Variants in CLDN16 observed in about 807,000 individuals in gnomAD.
The protein encoded by CLDN16 is claudin 16, also known as claudin-16.
CLDN16 carries 13 observed loss-of-function variants against 24.6 expected under a neutral mutation model. The observed-to-expected ratio is 0.53, with a 90% confidence interval of 0.34 to 0.84. The LOEUF (loss-of-function observed/expected upper bound fraction) is 0.84, where lower values mean the gene tolerates loss of function less well. Among genes scored for constraint, CLDN16 ranks in the 40% least tolerant of loss-of-function variants. The pLI, the probability that CLDN16 is intolerant of heterozygous loss-of-function variation, is 0.01. For synonymous variants in CLDN16, 116 were observed against 106.7 expected, an observed-to-expected ratio of 1.09 and a Z score of -0.54; for missense variants, 298 against 292.7, an observed-to-expected ratio of 1.02 and a Z score of -0.13.
the CLDN16 span, among the ~76,000 whole-genome samples, chr3:190,298,345 T>TTA: frequency 3.8e-5 from 3 of 78,518 alleles, no homozygotes; most frequent in Admixed American, 1.3e-4. Context: ...CACATGTATA[T>TTA]TATACACACA....
intron 1 of CLDN16, among the ~76,000 whole-genome samples, chr3:190,341,483 T>G (rs1020761289): frequency 6.6e-6 from 1 of 152,152 alleles, no homozygotes; most frequent in East Asian, 1.9e-4. Context: ...GCAGCTGGGA[T>G]GCAGGGTACC....
chr3:190,390,549 A>AAGC (rs1427279188), intron 1 of CLDN16, among the ~76,000 whole-genome samples: 1 of 152,000 alleles, frequency 6.6e-6, no homozygotes, highest in Non-Finnish European at 1.5e-5. Context: ...GAAGAAGAAG[A>AAGC]AGAAGAACCC....
intron 1 of CLDN16, among the ~76,000 whole-genome samples, chr3:190,348,321 A>C (rs1717598863): frequency 8.0e-6 from 1 of 125,378 alleles, no homozygotes; most frequent in Admixed American, 8.3e-5. Context: ...GTCAAGGAAG[A>C]CAGCAAGACT....
At chr3:190,297,176 A>AGT in the CLDN16 span, among the ~76,000 whole-genome samples, 87,363 of 151,456 alleles carry the variant, frequency 0.58, 25,855 homozygotes, top group African/African-American at 0.71. Flanking sequence ...CTTTGCTTCC[A>AGT]GTCTTATGAA....
At chr3:190,408,031 G>T (rs958189789) in intron 3 of CLDN16, among the ~76,000 whole-genome samples, 1 of 152,124 alleles carries the variant, frequency 6.6e-6, no homozygotes, top group African/African-American at 2.4e-5. Flanking sequence ...GAGAATCAAA[G>T]AAAACCATAA....
intron 1 of CLDN16, among the ~76,000 whole-genome samples, chr3:190,400,710 C>T (rs1577428480): frequency 6.7e-6 from 1 of 150,322 alleles, no homozygotes; most frequent in East Asian, 2.0e-4. Flanking sequence ...TTGTATTTAC[C>T]CATTGCTCTG....
At chr3:190,364,922 C>G (rs1717985493) in intron 1 of CLDN16, among the ~76,000 whole-genome samples, 2 of 150,396 alleles carry the variant, frequency 1.3e-5, no homozygotes, top group East Asian at 2.0e-4. Flanking sequence ...TATTTTAGGG[C>G]TTCTCTTCAC....
In CLDN16 at chr3:190,402,330, C is replaced by T. The variant is rs762740548; in HGVS notation, c.115-7C>T. The T allele has an allele frequency of 4.4e-6, 7 of 1,608,560 alleles. No homozygotes were observed. Among genetic ancestry groups the T allele is most frequent in the East Asian group, 4.5e-5 (2 of 44,840 alleles). The stretch of plus-strand genomic sequence containing the variant: ...TTGTTTCACACGGTGTCTTCTCTAA[C>T]ATCTAGGTGAGCACAAAATGCCGAG... On this transcript the variant is annotated splice_region_variant and splice_polypyrimidine_tract_variant and intron_variant, in intron 1 of 4. Coordinates refer to ENST00000264734, the MANE Select transcript of CLDN16 (RefSeq NM_006580.4).
chr3:190,400,954 C>G (rs1272391513), intron 1 of CLDN16, among the ~76,000 whole-genome samples: 1 of 152,168 alleles, frequency 6.6e-6, no homozygotes, highest in African/African-American at 2.4e-5. Flanking sequence ...GGTTACTTAA[C>G]TTTCCTGTGC....
Position 190,388,448 on chromosome 3 carries a change from G to A in CLDN16, c.114+5G>A. Reference sequence around the variant, plus strand: ...AATGCTGATGACTCTCTGGAGGTAAGAAGATAGCAGCTTCTTTTCATGATC... The same window carrying A: ...AATGCTGATGACTCTCTGGAGGTAAAAAGATAGCAGCTTCTTTTCATGATC... On this transcript the variant is annotated splice_donor_5th_base_variant and intron_variant, in intron 1 of 4. Coordinates refer to ENST00000264734, the MANE Select transcript of CLDN16 (RefSeq NM_006580.4). The A allele has an allele frequency of 6.2e-7, 1 of 1,613,730 alleles. No homozygotes were observed. The highest frequency in any genetic ancestry group is 1.1e-5 in the South Asian group (1 of 91,072).
chr3:190,360,596 A>G (rs1717867945), intron 1 of CLDN16, among the ~76,000 whole-genome samples: 1 of 152,004 alleles, frequency 6.6e-6, no homozygotes, highest in Admixed American at 6.6e-5. Flanking sequence ...ATTATTAATT[A>G]TAATGTAATT....
intron 1 of CLDN16, among the ~76,000 whole-genome samples, chr3:190,366,054 C>T (rs536237131): frequency 9.7e-4 from 148 of 151,972 alleles, no homozygotes; most frequent in African/African-American, 3.4e-3. Context: ...CAGATATTGC[C>T]TTCTCAAGTT....
chr3:190,399,834 G>A (rs943982531), intron 1 of CLDN16, among the ~76,000 whole-genome samples: 1 of 152,118 alleles, frequency 6.6e-6, no homozygotes. Context: ...GGTGAGCAGT[G>A]AGCAAGTGAG....
intron 1 of CLDN16, among the ~76,000 whole-genome samples, chr3:190,337,610 A>G (rs1642464633): frequency 6.6e-6 from 1 of 152,236 alleles, no homozygotes; most frequent in Non-Finnish European, 1.5e-5. Context: ...AGCTCCTTAT[A>G]TGATAATATT....
At chr3:190,360,249 G>A (rs141916556) in intron 1 of CLDN16, among the ~76,000 whole-genome samples, 3 of 152,038 alleles carry the variant, frequency 2.0e-5, no homozygotes, top group African/African-American at 4.8e-5. Flanking sequence ...GAGGAAAATA[G>A]GAACATTTTC....
At chr3:190,313,150 A>C in the CLDN16 span, 5 of 1,195,830 alleles carry the variant, frequency 4.2e-6, no homozygotes, top group Admixed American at 5.4e-5. Context: ...TGGACTAGGA[A>C]TCTAGAGACC....
intron 1 of CLDN16, among the ~76,000 whole-genome samples, chr3:190,362,022 T>TCTAACCTGGC (rs1480493900): frequency 6.6e-6 from 1 of 151,458 alleles, no homozygotes; most frequent in Non-Finnish European, 1.5e-5. Flanking sequence ...TCTAACCTGG[T>TCTAACCTGGC]CTAACCTGGT....
intron 1 of CLDN16, among the ~76,000 whole-genome samples, chr3:190,326,482 G>T (rs1417963642): frequency 6.6e-6 from 1 of 152,166 alleles, no homozygotes; most frequent in African/African-American, 2.4e-5. Context: ...CCCTCTCCAA[G>T]CCTTGCGATG....
intron 3 of CLDN16, among the ~76,000 whole-genome samples, chr3:190,407,816 G>A (rs1238040548): frequency 1.3e-5 from 2 of 152,188 alleles, no homozygotes; most frequent in Non-Finnish European, 2.9e-5. Context: ...GTTTTCACAT[G>A]GGTGCTGATT....
Sources: allele counts gnomAD v4.1 joint callset (sites outside exome capture counted in the v4.1 genomes callset), GRCh38; gene constraint gnomAD v4.1.1; transcripts MANE v1.5; gene names NCBI Gene and HGNC (gene_info 2026-07-23, HGNC 2026-07-21).